CDC27: variants seen among roughly 807,000 people sequenced by gnomAD.
CDC27 encodes cell division cycle protein 27 homolog.
CDC27 carries 27 observed loss-of-function variants against 109.7 expected under a neutral mutation model. The observed-to-expected ratio is 0.25, with a 90% CI of 0.18 to 0.34. The LOEUF is 0.34. Ranked by LOEUF, CDC27 falls within the 10% of genes least tolerant of loss-of-function variation. The probability of loss-of-function intolerance (pLI) is 1.00; values close to 1 mark genes in which losing one functional copy is unlikely to be tolerated. For synonymous variants in CDC27, 266 were observed against 333.9 expected (o/e 0.80, Z 2.22); for missense variants, 579 against 960.2 (o/e 0.60, Z 5.25).
intron 17 of CDC27, among the ~76,000 whole-genome samples, chr17:47,123,174 T>A (rs925448334): frequency 1.3e-5 from 2 of 152,120 alleles, no homozygotes; most frequent in African/African-American, 4.8e-5. Flanking sequence ...ACTGGAGCAA[T>A]GATAATGGGA....
intron 16 of CDC27, among the ~76,000 whole-genome samples, chr17:47,126,388 G>A (rs1384240971): frequency 2.0e-5 from 3 of 152,104 alleles, no homozygotes; most frequent in African/African-American, 7.2e-5. Context: ...CTATAACTGG[G>A]AGTTTTTCTG....
chr17:47,142,474 T>C (rs2062825884), intron 10 of CDC27, 38 bp from the exon 11 acceptor site: 1 of 821,712 alleles, frequency 1.2e-6, no homozygotes, highest in Non-Finnish European at 1.9e-6. Flanking sequence ...GTTATACTCA[T>C]GTATTTTAGA....
At chr17:47,175,331 AC>A (rs1190237175) in intron 2 of CDC27, among the ~76,000 whole-genome samples, 1 of 152,162 alleles carries the variant, frequency 6.6e-6, no homozygotes, top group Non-Finnish European at 1.5e-5. Context: ...TCTAAAATGG[AC>A]CAATTTTGAC....
intron 16 of CDC27, 29 bp downstream of exon 16, chr17:47,129,364 A>C: frequency 6.4e-7 from 1 of 1,552,980 alleles, no homozygotes; most frequent in African/African-American, 1.4e-5. Context: ...GCAATACAAC[A>C]CTGAAGACCC....
intron 1 of CDC27, among the ~76,000 whole-genome samples, chr17:47,187,332 A>G (rs1215225124): frequency 6.6e-6 from 1 of 151,738 alleles, no homozygotes; most frequent in African/African-American, 2.4e-5. Flanking sequence ...ATGGAGTCTC[A>G]CTCTGTCGCC....
rs890429862 is a variant in CDC27 at position 47,188,239 on chromosome 17, T to G, written c.27+907A>C. Among the ~76,000 whole-genome samples the G allele has an allele frequency of 5.3e-5, 8 of 152,076 alleles. No homozygotes were observed. The South Asian group carries it at 1.5e-3, about 28-fold the overall frequency. ...TCTGATCAAGTTAAAGATCATATAGTGGGATGAAGTCTCCCAGACCTGGTC... is the reference window on the plus strand; with the variant it reads ...TCTGATCAAGTTAAAGATCATATAGGGGGATGAAGTCTCCCAGACCTGGTC... On this transcript the variant is annotated intron_variant, in intron 1 of 18. Transcript: ENST00000066544.
Position 47,156,953 on chromosome 17 carries a change from A to C in CDC27, c.802T>G (p.Leu268Val), listed in dbSNP as rs1166244554. 1 of 1,566,948 alleles carries C rather than the reference A, an allele frequency of 6.4e-7. No homozygotes were observed. Residue 268 changes from leucine (L) to valine (V), a missense_variant, in exon 7 of 19, where the codon TTA becomes GTA. Coordinates refer to ENST00000066544, the MANE Select transcript of CDC27 (RefSeq NM_001256.6). ...VQNKPKTGRS[L>V]LGGPAALSPL... ...CTAAGAGCTGCTGGTCCTCCTAATA[A>C]ACTTCGACCAGTTTTTGGTTTATTT...
At chr17:47,160,139 T>C in intron 4 of CDC27, 1 of 172,694 alleles carries the variant, frequency 5.8e-6, no homozygotes, top group Non-Finnish European at 1.2e-5. Context: ...GTATAAACGC[T>C]TACATATGGA....
At position 47,120,861 on chromosome 17, in the gene CDC27, C is replaced by T. The variant is rs981152307; in HGVS notation, c.*74G>A. The T allele has an allele frequency of 9.5e-6, 10 of 1,054,650 alleles. No individual in the cohort carries two copies. Among genetic ancestry groups the T allele is most frequent in the African/African-American group, 1.6e-5 (1 of 63,994 alleles). 65.3% of individuals were successfully genotyped at this position (1,054,650 alleles called of 1,614,324 possible). On this transcript the variant is annotated 3_prime_UTR_variant, in exon 19 of 19. Coordinates refer to ENST00000066544, the MANE Select transcript of CDC27 (RefSeq NM_001256.6). ...GACACCGCCAGCTCAAGAGTAAAGA[C>T]TCAGTATACAGAGGGACAAGAAACA...
Position 47,157,367 on chromosome 17 carries a change from C to T in CDC27, c.493G>A (p.Asp165Asn), listed in dbSNP as rs1367650760. Residue 165 changes from aspartate to asparagine, a missense_variant, in exon 6 of 19, where the codon GAC becomes AAC. Physicochemically the swap from Asp to Asn is conservative, Grantham distance 23. This residue lies in a region of CDC27 where 12 missense variants were observed against 37.1 expected (regional missense o/e 0.32). Transcript: ENST00000066544. ...AAAGATGTGAATTTAAATGTTTGGTCAGGATCTGGCTTTTCACCTGTGAAG... is the reference window on the plus strand; with the variant it reads ...AAAGATGTGAATTTAAATGTTTGGTTAGGATCTGGCTTTTCACCTGTGAAG... ...LCEIGEKPDP[D>N]QTFKFTSLQN... The T allele has an allele frequency of 1.9e-6, 3 of 1,605,616 alleles. No homozygotes were observed. Among genetic ancestry groups the T allele is most frequent in the Non-Finnish European group, 2.5e-6 (3 of 1,177,600 alleles).
chr17:47,189,026 C>A (rs1598636342), intron 1 of CDC27, 120 bp downstream of exon 1: 2 of 1,509,908 alleles, frequency 1.3e-6, no homozygotes, highest in East Asian at 2.3e-5. Flanking sequence ...CAGGACACGG[C>A]AGCAGGGGAG....
At chr17:47,168,425 T>C (rs972558863) in intron 4 of CDC27, among the ~76,000 whole-genome samples, 1 of 152,216 alleles carries the variant, frequency 6.6e-6, no homozygotes, top group Non-Finnish European at 1.5e-5. Context: ...TATATTTCAC[T>C]ATATCACACT....
chr17:47,142,640 A>C (rs2062830803), intron 10 of CDC27, among the ~76,000 whole-genome samples: 1 of 152,218 alleles, frequency 6.6e-6, no homozygotes. Context: ...ACATTAACTA[A>C]TAGTGACTAA....
At chr17:47,173,049 CT>C (rs1030286338) in intron 2 of CDC27, among the ~76,000 whole-genome samples, 2 of 152,166 alleles carry the variant, frequency 1.3e-5, no homozygotes, top group African/African-American at 4.8e-5. Flanking sequence ...AACCAGTAAT[CT>C]ACGTGGTTAA....
intron 7 of CDC27, among the ~76,000 whole-genome samples, chr17:47,155,270 G>C (rs2063268020): frequency 6.6e-6 from 1 of 151,506 alleles, no homozygotes; most frequent in South Asian, 2.1e-4. Context: ...TTTTGAGACA[G>C]AGTCTCGCTC....
chr17:47,143,256 G>A (rs767952055), intron 10 of CDC27, among the ~76,000 whole-genome samples: 3 of 152,142 alleles, frequency 2.0e-5, no homozygotes, highest in Non-Finnish European at 2.9e-5. Flanking sequence ...GAGCCACTGC[G>A]TCCGCCGGGT....
intron 2 of CDC27, among the ~76,000 whole-genome samples, chr17:47,174,037 T>C (rs1175253799): frequency 6.6e-6 from 1 of 152,228 alleles, no homozygotes; most frequent in Non-Finnish European, 1.5e-5. Context: ...GAGACTGCAG[T>C]GAGCCGAGAT....
chr17:47,133,054 C>CACACAT (rs2062424520), intron 14 of CDC27, among the ~76,000 whole-genome samples: 1 of 55,080 alleles, frequency 1.8e-5, no homozygotes, highest in Non-Finnish European at 3.5e-5. Flanking sequence ...CACACACACA[C>CACACAT]ATACATATAC....
intron 14 of CDC27, among the ~76,000 whole-genome samples, chr17:47,133,446 G>GT (rs548608433): frequency 2.4e-3 from 290 of 121,532 alleles, no homozygotes; most frequent in South Asian, 7.9e-3. Context: ...CTGTTTTTTT[G>GT]TTTTTTTTTT....
Sources: allele counts gnomAD v4.1 joint callset (sites outside exome capture counted in the v4.1 genomes callset), GRCh38; gene constraint gnomAD v4.1.1; regional missense constraint gnomAD v4.1.1; transcripts MANE v1.5; gene names NCBI Gene and HGNC (gene_info 2026-07-23, HGNC 2026-07-21).